Variants in PRDM11 observed in about 807,000 individuals in gnomAD.
PRDM11 encodes PR/SET domain 11, also known as PR domain-containing protein 11.
In PRDM11, 20 loss-of-function variants were observed where a neutral mutation model predicts 97.8. The ratio of observed to expected loss-of-function variants is 0.20; its 90% CI spans 0.14 to 0.30. The LOEUF (loss-of-function observed/expected upper bound fraction) is 0.30. Among genes scored for constraint, PRDM11 ranks in the 10% least tolerant of loss-of-function variants. PRDM11 has a pLI of 1.00. For missense variants in PRDM11, 1,139 were observed against 1,555.2 expected, an observed-to-expected ratio of 0.73 and a Z score of 4.50; for synonymous variants, 599 against 637.7, an observed-to-expected ratio of 0.94 and a Z score of 0.91.
chr11:45,197,025 T>TAAA (rs375533351), intron 4 of PRDM11, among the ~76,000 whole-genome samples: 1,555 of 152,316 alleles, frequency 0.01, 21 homozygotes, highest in African/African-American at 0.036. Context: ...CAGCCAGCTT[T>TAAA]AGTATCCACA....
chr11:45,145,328 C>T (rs1851482263), upstream of PRDM11, among the ~76,000 whole-genome samples: 1 of 152,154 alleles, frequency 6.6e-6, no homozygotes, highest in South Asian at 2.1e-4. Context: ...GATGTGGTAC[C>T]CACAGTGCTC....
At chr11:45,205,918 T>C (rs1853492907) in intron 5 of PRDM11, among the ~76,000 whole-genome samples, 1 of 152,110 alleles carries the variant, frequency 6.6e-6, no homozygotes, top group South Asian at 2.1e-4. Flanking sequence ...TGCCGTTTGA[T>C]GGGTGCAGAA....
chr11:45,115,995 G>A (rs755826717), intron 1 of PRDM11, among the ~76,000 whole-genome samples: 14 of 151,008 alleles, frequency 9.3e-5, no homozygotes, highest in Non-Finnish European at 1.5e-4. Context: ...GGTTAAACAT[G>A]TTTTAAAACA....
chr11:45,103,752 CATATA>C (rs1437897611), intron 1 of PRDM11, among the ~76,000 whole-genome samples: 1 of 147,248 alleles, frequency 6.8e-6, no homozygotes, highest in Non-Finnish European at 1.5e-5. Context: ...ATAATATAAA[CATATA>C]ATATATAACA....
intron 1 of PRDM11, chr11:45,095,960 C>G (rs183714382): frequency 2.6e-6 from 2 of 756,752 alleles, no homozygotes; most frequent in African/African-American, 3.4e-5. Flanking sequence ...TTGCTACTAC[C>G]TCTCCCTGGA....
At chr11:45,167,571 CT>C (rs1852094706) in intron 1 of PRDM11, among the ~76,000 whole-genome samples, 1 of 152,180 alleles carries the variant, frequency 6.6e-6, no homozygotes, top group African/African-American at 2.4e-5. Flanking sequence ...CTAAGTTTCC[CT>C]TCTCCAGGGA....
At chr11:45,204,272 A>G (rs1282696440) in intron 4 of PRDM11, among the ~76,000 whole-genome samples, 1 of 152,198 alleles carries the variant, frequency 6.6e-6, no homozygotes, top group African/African-American at 2.4e-5. Flanking sequence ...CAAATCACAT[A>G]TATTCAGTCA....
At chr11:45,104,888 C>T (rs1852035068) in intron 1 of PRDM11, among the ~76,000 whole-genome samples, 1 of 152,290 alleles carries the variant, frequency 6.6e-6, no homozygotes, top group Admixed American at 6.5e-5. Context: ...TCACGGAGCT[C>T]CTGGGACCAT....
At chr11:45,165,111 G>A (rs977992113) in intron 1 of PRDM11, among the ~76,000 whole-genome samples, 3 of 152,132 alleles carry the variant, frequency 2.0e-5, no homozygotes, top group Admixed American at 6.5e-5. Context: ...TTAGTAAGTC[G>A]TAGAGCTGGG....
At chr11:45,204,565 A>AT (rs1565321896) in intron 4 of PRDM11, 146 bp from the exon 5 acceptor site, 11 of 708,342 alleles carry the variant, frequency 1.6e-5, no homozygotes, top group Non-Finnish European at 2.0e-5. Flanking sequence ...CCCAGCCTGC[A>AT]TTTCAGTTCT....
chr11:45,226,066 T>A lies in PRDM11; in HGVS notation c.1441T>A (p.Ser481Thr). ...CCAGGAAGTCGATTCAGCAGATGAA[T>A]CTGTCTCCAATGATATGATGACAGC... Reference protein sequence around the residue: ...DDQEVDSADESVSNDMMTATD... With the variant: ...DDQEVDSADETVSNDMMTATD... Residue 481 changes from serine (S) to threonine (T), a missense_variant, in exon 8 of 8, where the codon TCT becomes ACT. By Grantham distance (58) the Ser-to-Thr change is moderately conservative (BLOSUM62 1). This residue lies in a region of PRDM11 where 710 missense variants were observed against 1,044.9 expected (regional missense o/e 0.68). Coordinates refer to ENST00000683152, the MANE Select transcript of PRDM11 (RefSeq NM_001384648.1). 1 of 1,520,380 alleles carries A rather than the reference T, an allele frequency of 6.6e-7. No individual in the cohort carries two copies. The highest frequency in any genetic ancestry group is 1.2e-5 in the South Asian group (1 of 83,740). 94.2% of individuals were successfully genotyped at this position (1,520,380 alleles called of 1,614,324 possible).
At chr11:45,181,420 C>T (rs1305239762) in intron 1 of PRDM11, among the ~76,000 whole-genome samples, 1 of 152,184 alleles carries the variant, frequency 6.6e-6, no homozygotes, top group Non-Finnish European at 1.5e-5. Context: ...TGCAGTTTTG[C>T]GCCCAGGCTC....
intron 1 of PRDM11, among the ~76,000 whole-genome samples, chr11:45,133,116 T>C (rs1852756378): frequency 6.6e-6 from 1 of 152,218 alleles, no homozygotes; most frequent in Non-Finnish European, 1.5e-5. Context: ...CTTTAAACAA[T>C]AAAAATATTT....
intron 4 of PRDM11, among the ~76,000 whole-genome samples, chr11:45,191,243 T>C (rs1244150488): frequency 6.6e-6 from 1 of 152,220 alleles, no homozygotes; most frequent in African/African-American, 2.4e-5. Flanking sequence ...GATTACAGCT[T>C]TTTGGCACAA....
chr11:45,153,069 A>G (rs1465151301), intron 1 of PRDM11, among the ~76,000 whole-genome samples: 1 of 152,228 alleles, frequency 6.6e-6, no homozygotes, highest in Admixed American at 6.5e-5. Context: ...GCTGAGAGTG[A>G]CCATTCCCAG....
chr11:45,144,301 C>A (rs890291680), upstream of PRDM11, among the ~76,000 whole-genome samples: 9 of 152,194 alleles, frequency 5.9e-5, no homozygotes, highest in Non-Finnish European at 1.5e-5. Flanking sequence ...GTCTCTGGAT[C>A]ACACCGCATC....
intron 4 of PRDM11, among the ~76,000 whole-genome samples, chr11:45,192,994 G>A (rs1852969377): frequency 6.6e-6 from 1 of 152,182 alleles, no homozygotes; most frequent in Non-Finnish European, 1.5e-5. Flanking sequence ...AGTTTGGAAT[G>A]CCTGTACTTT....
At chr11:45,177,469 G>A (rs1852356681) in intron 1 of PRDM11, among the ~76,000 whole-genome samples, 1 of 152,228 alleles carries the variant, frequency 6.6e-6, no homozygotes, top group African/African-American at 2.4e-5. Context: ...GATGGACTCA[G>A]TGAAGGACAC....
At chr11:45,119,650 C>A (rs74778039) in intron 1 of PRDM11, among the ~76,000 whole-genome samples, 1,790 of 87,426 alleles carry the variant, frequency 0.02, 68 homozygotes, top group African/African-American at 0.075. Context: ...AAAAAAAAAA[C>A]ACCTGGTAAG....
Sources: allele counts gnomAD v4.1 joint callset (sites outside exome capture counted in the v4.1 genomes callset), GRCh38; gene constraint gnomAD v4.1.1; regional missense constraint gnomAD v4.1.1; transcripts MANE v1.5; gene names NCBI Gene and HGNC (gene_info 2026-07-23, HGNC 2026-07-21).